Variants in SLC24A2 observed in about 807,000 individuals in gnomAD.
The protein encoded by SLC24A2 is solute carrier family 24 member 2.
In SLC24A2, 36 loss-of-function variants were observed where a neutral mutation model predicts 62.0. The ratio of observed to expected loss-of-function variants is 0.58; its 90% CI spans 0.44 to 0.77. The LOEUF is 0.77. Ranked by LOEUF, SLC24A2 falls within the 30% of genes least tolerant of loss-of-function variation. The pLI is 0.00. For missense variants in SLC24A2, 846 were observed against 817.9 expected (o/e 1.03, Z -0.42); for synonymous variants, 358 against 294.0 (o/e 1.22, Z -2.23).
chr9:20,288,148 T>C, the SLC24A2 span, among the ~76,000 whole-genome samples: 4 of 152,106 alleles, frequency 2.6e-5, no homozygotes, highest in Admixed American at 2.6e-4. Flanking sequence ...AAGCAGTACT[T>C]AGTGACTTGC....
At chr9:19,955,104 T>C in the SLC24A2 span, among the ~76,000 whole-genome samples, 1 of 152,262 alleles carries the variant, frequency 6.6e-6, no homozygotes, top group South Asian at 2.1e-4. Flanking sequence ...TATATTATGC[T>C]CTTTCTGAAA....
At chr9:20,014,956 T>A in the SLC24A2 span, among the ~76,000 whole-genome samples, 2 of 152,344 alleles carry the variant, frequency 1.3e-5, no homozygotes, top group Non-Finnish European at 2.9e-5. Flanking sequence ...TCATGCTACA[T>A]TGTATACGTT....
At chr9:20,213,176 C>G in the SLC24A2 span, among the ~76,000 whole-genome samples, 5 of 151,722 alleles carry the variant, frequency 3.3e-5, no homozygotes, top group Admixed American at 1.3e-4. Flanking sequence ...TATCCCAGAA[C>G]TGAAAATAAA....
At chr9:19,583,147 T>C (rs1836258626) in intron 5 of SLC24A2, among the ~76,000 whole-genome samples, 1 of 152,204 alleles carries the variant, frequency 6.6e-6, no homozygotes, top group Non-Finnish European at 1.5e-5. Context: ...CTGACTGCCC[T>C]GATCTTGTAC....
At chr9:19,628,060 T>C (rs1365181079) in intron 2 of SLC24A2, among the ~76,000 whole-genome samples, 5 of 152,212 alleles carry the variant, frequency 3.3e-5, no homozygotes, top group Non-Finnish European at 5.9e-5. Context: ...TAATATCTTT[T>C]ACCCAACTCC....
the SLC24A2 span, among the ~76,000 whole-genome samples, chr9:20,280,993 T>C: frequency 1.2e-3 from 187 of 152,238 alleles, no homozygotes; most frequent in African/African-American, 4.4e-3. Flanking sequence ...GCAGTGGCAC[T>C]ATCTTGGCTC....
the SLC24A2 span, among the ~76,000 whole-genome samples, chr9:20,228,788 G>C: frequency 2.0e-5 from 3 of 152,140 alleles, no homozygotes; most frequent in Admixed American, 6.6e-5. Flanking sequence ...GAAAAGGAAG[G>C]AGAGAGAAAA....
chr9:20,216,050 A>C, the SLC24A2 span, among the ~76,000 whole-genome samples: 2 of 152,172 alleles, frequency 1.3e-5, no homozygotes. Flanking sequence ...CCATTAATTA[A>C]TAGATCTACT....
At chr9:20,041,685 G>A in the SLC24A2 span, among the ~76,000 whole-genome samples, 1 of 152,238 alleles carries the variant, frequency 6.6e-6, no homozygotes, top group Non-Finnish European at 1.5e-5. Context: ...GTATTTGATA[G>A]GAGGTCTGCT....
the SLC24A2 span, among the ~76,000 whole-genome samples, chr9:19,919,377 T>C: frequency 2.6e-5 from 4 of 152,162 alleles, no homozygotes; most frequent in East Asian, 3.8e-4. Context: ...ATCTTGGACA[T>C]TGTGATGTGC....
the SLC24A2 span, among the ~76,000 whole-genome samples, chr9:20,254,655 C>T: frequency 6.6e-6 from 1 of 152,164 alleles, no homozygotes; most frequent in Non-Finnish European, 1.5e-5. Flanking sequence ...GTGACCACCA[C>T]TTAGTGGCCC....
intron 3 of SLC24A2, among the ~76,000 whole-genome samples, chr9:19,620,079 G>A (rs904534956): frequency 2.0e-5 from 3 of 152,144 alleles, no homozygotes; most frequent in Non-Finnish European, 4.4e-5. Context: ...ACAAGAAGTG[G>A]AGGATGGAGG....
At chr9:19,948,707 C>T in the SLC24A2 span, among the ~76,000 whole-genome samples, 1 of 151,002 alleles carries the variant, frequency 6.6e-6, no homozygotes, top group Non-Finnish European at 1.5e-5. Context: ...TAGCCGGGCG[C>T]AGTGGCGGGC....
At chr9:19,721,327 C>T (rs1821019352) in intron 2 of SLC24A2, among the ~76,000 whole-genome samples, 1 of 152,112 alleles carries the variant, frequency 6.6e-6, no homozygotes, top group African/African-American at 2.4e-5. Context: ...TAACCCTTTT[C>T]ATCATAAATA....
At chr9:19,937,097 T>C in the SLC24A2 span, among the ~76,000 whole-genome samples, 1 of 152,168 alleles carries the variant, frequency 6.6e-6, no homozygotes, top group Non-Finnish European at 1.5e-5. Flanking sequence ...TAAAAACACA[T>C]ACCGCATTGA....
intron 2 of SLC24A2, among the ~76,000 whole-genome samples, chr9:19,743,233 T>A (rs1207325515): frequency 6.6e-6 from 1 of 152,210 alleles, no homozygotes; most frequent in Non-Finnish European, 1.5e-5. Flanking sequence ...GTTGGACAAC[T>A]ACAGCTGAGG....
At chr9:19,762,904 A>T (rs7850398) in intron 2 of SLC24A2, among the ~76,000 whole-genome samples, 146,605 of 151,882 alleles carry the variant, frequency 0.97, 70,982 homozygotes, top group East Asian at 1. Context: ...ATAAATTACT[A>T]TGGGCAGTAT....
chr9:20,252,628 G>C, the SLC24A2 span, among the ~76,000 whole-genome samples: 1 of 152,176 alleles, frequency 6.6e-6, no homozygotes, highest in Non-Finnish European at 1.5e-5. Flanking sequence ...TTTACAGATA[G>C]GGATATTGAG....
chr9:19,867,691 C>A, the SLC24A2 span, among the ~76,000 whole-genome samples: 2 of 152,236 alleles, frequency 1.3e-5, no homozygotes, highest in Middle Eastern at 3.4e-3. Flanking sequence ...AGGCAGATAA[C>A]GAGGTCAAAA....
Sources: allele counts gnomAD v4.1 joint callset (sites outside exome capture counted in the v4.1 genomes callset), GRCh38; gene constraint gnomAD v4.1.1; transcripts MANE v1.5; gene names NCBI Gene and HGNC (gene_info 2026-07-23, HGNC 2026-07-21).